MAPK11: variants seen among roughly 807,000 people sequenced by gnomAD.
MAPK11 encodes MAP kinase 11.
A neutral mutation model predicts 52.2 loss-of-function variants in MAPK11; 44 were observed. The observed-to-expected ratio is 0.84, with a 90% CI of 0.66 to 1.08. MAPK11 has a LOEUF of 1.08. Among genes scored for constraint, MAPK11 ranks in the 50% least tolerant of loss-of-function variants. The pLI, the probability that MAPK11 is intolerant of heterozygous loss-of-function variation, is 0.00. For synonymous variants in MAPK11, 233 were observed against 206.3 expected (o/e 1.13, Z -1.11); for missense variants, 436 against 494.7 (o/e 0.88, Z 1.13).
chr22:50,267,115 C>G lies in MAPK11; in HGVS notation c.495+12G>C. 6.2e-7 allele frequency: 1 copy of G among 1,611,796 alleles called. No homozygotes were observed. Among genetic ancestry groups the G allele is most frequent in the African/African-American group, 1.3e-5 (1 of 75,036 alleles). ...CGCCGCCGCCCTGCCCACCCCTGCCCACGGGCCTCACCCTGAGCTCACAGT... is the reference window on the plus strand; with the variant it reads ...CGCCGCCGCCCTGCCCACCCCTGCCGACGGGCCTCACCCTGAGCTCACAGT... On this transcript the variant is annotated intron_variant, in intron 6 of 11. Coordinates refer to ENST00000330651, the MANE Select transcript of MAPK11 (RefSeq NM_002751.7).
chr22:50,265,522 G>A (rs759747681), intron 10 of MAPK11, 28 bp from the exon 11 acceptor site: 3 of 1,612,790 alleles, frequency 1.9e-6, no homozygotes, highest in Admixed American at 1.7e-5. Flanking sequence ...GTGGGGAGGG[G>A]GGTCAGCTGT....
In MAPK11 at chr22:50,265,586, G is replaced by C. The variant is rs773557111; in HGVS notation, c.837C>G (p.Pro279=). 1.2e-6 allele frequency: 2 copies of C among 1,612,134 alleles called. No homozygotes were observed. The highest frequency in any genetic ancestry group is 1.3e-5 in the African/African-American group (1 of 74,904). The part of the protein sequence containing the change: ...DLSSIFRGAN[P]LAIDLLGRML... The stretch of plus-strand genomic sequence containing the variant: ...CTAGCCCAGGGCAGTCCTCACCCAG[G>C]GGGTTGGCTCCACGGAAGATGCTGC... The change falls in exon 10 of 12, where the codon CCC becomes CCG. Residue 279 remains proline, a synonymous_variant. Transcript: ENST00000330651.
At chr22:50,268,064 T>C (rs553226410) in intron 1 of MAPK11, 115 bp from the exon 2 acceptor site, 3 of 1,200,748 alleles carry the variant, frequency 2.5e-6, no homozygotes, top group East Asian at 6.3e-5. Context: ...CCGTGGGGCT[T>C]TTCTGCCCCG....
chr22:50,268,083 G>T (rs868362214), intron 1 of MAPK11, 134 bp from the exon 2 acceptor site: 1 of 1,081,412 alleles, frequency 9.2e-7, no homozygotes, highest in Non-Finnish European at 1.2e-6. Context: ...CGGCCCCGCC[G>T]CCCCAGCTCG....
chr22:50,267,733 C>T (rs980758600), intron 2 of MAPK11, 87 bp downstream of exon 2: 4 of 1,439,460 alleles, frequency 2.8e-6, no homozygotes, highest in Non-Finnish European at 3.7e-6. Flanking sequence ...TGTCCCCGCC[C>T]CCATCGCCAG....
At chr22:50,266,662 C>T (rs752752111) in intron 7 of MAPK11, 51 bp from the exon 8 acceptor site, 2 of 1,531,578 alleles carry the variant, frequency 1.3e-6, no homozygotes, top group Admixed American at 1.8e-5. Flanking sequence ...CACGTCCCTC[C>T]TCCAGGAGAC....
rs781274555 is a variant in MAPK11 at position 50,266,516 on chromosome 22, C to T, written c.682+24G>A. ...ACAGGAGGGGCCCTGTTTGACCCTGCTCCCCAACCTGGGCCAAGGATACAG... is the reference window on the plus strand; with the variant it reads ...ACAGGAGGGGCCCTGTTTGACCCTGTTCCCCAACCTGGGCCAAGGATACAG... On this transcript the variant is annotated intron_variant, in intron 8 of 11. Transcript: ENST00000330651. 3 of 1,514,056 alleles carry T rather than the reference C, an allele frequency of 2.0e-6. No homozygotes were observed. In the East Asian group the frequency reaches 6.8e-5, roughly 34 times the overall value. 93.8% of individuals were successfully genotyped at this position (1,514,056 alleles called of 1,614,324 possible).
Position 50,266,298 on chromosome 22 carries a change from G to A in MAPK11, c.690C>T (p.Asp230=). ...CCACTTCCATGATGCGCTTCAGCTG[G>A]TCAATGTCTGTGTCACTCAGGAAAC... ...KALFPGSDYI[D]QLKRIMEVVG... Residue 230 remains aspartate (D), a synonymous_variant, in exon 9 of 12, where the codon GAC becomes GAT. Transcript: ENST00000330651. 2 of 1,606,466 alleles carry A rather than the reference G, an allele frequency of 1.2e-6. No individual in the cohort carries two copies. Among genetic ancestry groups the A allele is most frequent in the Non-Finnish European group, 8.5e-7 (1 of 1,176,548 alleles).
chr22:50,269,603 C>G (rs1601655509), intron 1 of MAPK11, among the ~76,000 whole-genome samples: 1 of 152,252 alleles, frequency 6.6e-6, no homozygotes, highest in Admixed American at 6.5e-5. Flanking sequence ...CCCCCTCCCC[C>G]ACCCAGACTC....
At position 50,264,733 on chromosome 22, in the gene MAPK11, C is replaced by T; in HGVS notation, c.*215G>A. ...AGGAGGACCAAGGTAGGCCCAGGGA[C>T]ACTTGTGCCCAGACTCCTACACATG... On this transcript the variant is annotated 3_prime_UTR_variant, in exon 12 of 12. Coordinates refer to ENST00000330651, the MANE Select transcript of MAPK11 (RefSeq NM_002751.7). The T allele has an allele frequency of 1.9e-6, 1 of 524,364 alleles. No individual in the cohort carries two copies. Among genetic ancestry groups the T allele is most frequent in the South Asian group, 2.2e-5 (1 of 45,126 alleles). The allele number at this position is 524,364 out of a possible 1,614,324, so 32.5% of individuals were successfully genotyped here.
In MAPK11 at chr22:50,265,580, A is replaced by G. The variant is rs199849569; in HGVS notation, c.841+2T>C. The G allele has an allele frequency of 2.5e-6, 4 of 1,611,876 alleles. No individual in the cohort carries two copies. Among genetic ancestry groups the G allele is most frequent in the Non-Finnish European group, 3.4e-6 (4 of 1,179,466 alleles). ...CCCAGTCTAGCCCAGGGCAGTCCTC[A>G]CCCAGGGGGTTGGCTCCACGGAAGA... On this transcript the variant is annotated splice_donor_variant, in intron 10 of 11. Transcript: ENST00000330651. LOFTEE classifies it high-confidence loss of function.
At position 50,265,500 on chromosome 22, in the gene MAPK11, G is replaced by A; in HGVS notation, c.842-6C>T. The A allele has an allele frequency of 1.9e-6, 3 of 1,613,054 alleles. No homozygotes were observed. The highest frequency in any genetic ancestry group is 2.5e-6 in the Non-Finnish European group (3 of 1,179,936). ...CCTTCCAAGGAGGTCTATGGCTGCA[G>A]GGAAGCCAGTGGTGGGGAGGGGGGT... is the stretch of plus-strand genomic sequence containing the variant. On this transcript the variant is annotated splice_region_variant and splice_polypyrimidine_tract_variant and intron_variant, in intron 10 of 11. Coordinates refer to ENST00000330651, the MANE Select transcript of MAPK11 (RefSeq NM_002751.7).
Position 50,270,284 on chromosome 22 carries a change from GC to G in MAPK11, c.8del (p.Gly3AlafsTer11). On this transcript the variant is annotated frameshift_variant, in exon 1 of 12. Transcript: ENST00000330651. LOFTEE classifies it high-confidence loss of function. The surrounding 1 kb of genome is among the most constrained non-coding windows in gnomAD (Gnocchi z 6.3). Reference protein sequence around the residue: MSGPRAGFYRQEL... With the variant: MSXPRAGFYRQEL... ...CCTGCCGGTAGAAGCCGGCGCGAGG[GC>G]CCGACATGTCCGGAGCAGCCGCCGC... 1 of 1,392,544 alleles carries G rather than the reference GC, an allele frequency of 7.2e-7. No homozygotes were observed. Among genetic ancestry groups the G allele is most frequent in the Non-Finnish European group, 9.4e-7 (1 of 1,069,240 alleles). The allele number at this position is 1,392,544 out of a possible 1,614,324, so 86.3% of individuals were successfully genotyped here. A position where few individuals can be genotyped will look rare whatever the true frequency, so the allele number is the denominator to read the frequency against.
intron 7 of MAPK11, 78 bp downstream of exon 7, chr22:50,266,853 CCCT>C (rs770300835): frequency 5.8e-6 from 8 of 1,373,780 alleles, no homozygotes; most frequent in Non-Finnish European, 7.1e-6. Flanking sequence ...CTTGCCTGCC[CCCT>C]AAGACCTGGC....
chr22:50,266,736 G>C, intron 7 of MAPK11, 125 bp from the exon 8 acceptor site: 1 of 1,019,178 alleles, frequency 9.8e-7, no homozygotes, highest in Admixed American at 2.0e-5. Context: ...AACCCCCCTA[G>C]GCAGGGGGAG....
intron 7 of MAPK11, 109 bp downstream of exon 7, chr22:50,266,825 T>G: frequency 9.0e-7 from 1 of 1,112,694 alleles, no homozygotes; most frequent in Non-Finnish European, 1.3e-6. Flanking sequence ...TGAATGTGGG[T>G]CCCACATTCT....
chr22:50,265,505 G>A lies in MAPK11; in HGVS notation c.842-11C>T. 1 of 1,613,102 alleles carries A rather than the reference G, an allele frequency of 6.2e-7. No individual in the cohort carries two copies. The highest frequency in any genetic ancestry group is 8.5e-7 in the Non-Finnish European group (1 of 1,179,964). ...CAAGGAGGTCTATGGCTGCAGGGAA[G>A]CCAGTGGTGGGGAGGGGGGTCAGCT... On this transcript the variant is annotated splice_polypyrimidine_tract_variant and intron_variant, in intron 10 of 11. Transcript: ENST00000330651.
chr22:50,269,420 G>C (rs1215000065), intron 1 of MAPK11, among the ~76,000 whole-genome samples: 1 of 152,216 alleles, frequency 6.6e-6, no homozygotes, highest in Non-Finnish European at 1.5e-5. Context: ...GTGGGCAGCA[G>C]CTAAGCGGCA....
Position 50,266,553 on chromosome 22 carries a change from G to A in MAPK11, c.669C>T (p.Phe223=). 4 of 1,518,702 alleles carry A rather than the reference G, an allele frequency of 2.6e-6. No homozygotes were observed. Among genetic ancestry groups the A allele is most frequent in the African/African-American group, 1.4e-5 (1 of 71,838 alleles). The allele number at this position is 1,518,702 out of a possible 1,614,324, so 94.1% of individuals were successfully genotyped here. The change falls in exon 8 of 12, where the codon TTC becomes TTT. Residue 223 remains phenylalanine (F), a synonymous_variant. Transcript: ENST00000330651. ...MAELLQGKAL[F]PGSDYIDQLK... Reference sequence around the variant, plus strand: ...GGCCAAGGATACAGTCGCTTCCCGGGAAGAGGGCCTTGCCCTGGAGCAGCT... The same window carrying A: ...GGCCAAGGATACAGTCGCTTCCCGGAAAGAGGGCCTTGCCCTGGAGCAGCT...
Sources: allele counts gnomAD v4.1 joint callset (sites outside exome capture counted in the v4.1 genomes callset), GRCh38; gene constraint gnomAD v4.1.1; non-coding constraint Gnocchi (gnomAD v3.1); transcripts MANE v1.5; gene names NCBI Gene and HGNC (gene_info 2026-07-23, HGNC 2026-07-21).